Variants in TBC1D5 observed in about 807,000 individuals in gnomAD.
TBC1D5 encodes the protein TBC1 domain family, member 5.
TBC1D5 carries 75 observed loss-of-function variants against 100.3 expected under a neutral mutation model. The observed-to-expected ratio is 0.75, with a 90% CI of 0.62 to 0.91. The LOEUF is 0.91. Ranked by LOEUF, TBC1D5 falls within the 40% of genes least tolerant of loss-of-function variation. The pLI is 0.00. For synonymous variants in TBC1D5, 323 were observed against 325.6 expected (o/e 0.99, Z 0.09); for missense variants, 910 against 942.4 (o/e 0.97, Z 0.45).
intron 13 of TBC1D5, among the ~76,000 whole-genome samples, chr3:17,314,693 G>A (rs1317757026): frequency 6.6e-6 from 1 of 152,210 alleles, no homozygotes; most frequent in African/African-American, 2.4e-5. Context: ...TGATCTGCAT[G>A]TACAAGTTTG....
intron 2 of TBC1D5, among the ~76,000 whole-genome samples, chr3:17,585,432 C>T (rs2096726974): frequency 6.6e-6 from 1 of 152,120 alleles, no homozygotes; most frequent in Non-Finnish European, 1.5e-5. Flanking sequence ...AAAATTTATT[C>T]TCCTTTAAAA....
At chr3:17,350,948 T>C (rs1331733214) in intron 13 of TBC1D5, among the ~76,000 whole-genome samples, 1 of 152,126 alleles carries the variant, frequency 6.6e-6, no homozygotes, top group Non-Finnish European at 1.5e-5. Context: ...CCCCAAATAC[T>C]ATAGAAGATG....
intron 3 of TBC1D5, among the ~76,000 whole-genome samples, chr3:17,501,676 T>A (rs1026508096): frequency 2.0e-5 from 3 of 149,352 alleles, no homozygotes. Context: ...AATCCATCAA[T>A]GAATTCTTCA....
chr3:17,668,838 C>T (rs1292773970), intron 1 of TBC1D5, among the ~76,000 whole-genome samples: 1 of 152,184 alleles, frequency 6.6e-6, no homozygotes, highest in Middle Eastern at 3.4e-3. Flanking sequence ...CTGTGGCTTA[C>T]GAAGTTCCAC....
At chr3:17,613,293 C>T (rs2061842885) in intron 2 of TBC1D5, among the ~76,000 whole-genome samples, 1 of 152,190 alleles carries the variant, frequency 6.6e-6, no homozygotes, top group Non-Finnish European at 1.5e-5. Flanking sequence ...CATTGATGGA[C>T]ATTTGGGTTG....
chr3:17,299,378 G>C (rs915690869), intron 14 of TBC1D5, among the ~76,000 whole-genome samples: 2 of 152,162 alleles, frequency 1.3e-5, no homozygotes, highest in African/African-American at 4.8e-5. Context: ...AATCTTGGTT[G>C]GTATCAGATA....
chr3:17,340,524 A>C (rs1038159490), intron 13 of TBC1D5: 3 of 152,354 alleles, frequency 2.0e-5, no homozygotes, highest in Admixed American at 2.0e-4. Flanking sequence ...TGGCCTCTGT[A>C]CTATATCAAT....
chr3:17,404,665 G>A (rs1224225226), intron 7 of TBC1D5, 29 bp downstream of exon 7: 2 of 1,567,966 alleles, frequency 1.3e-6, no homozygotes, highest in Non-Finnish European at 1.7e-6. Flanking sequence ...AGCAAAAGAG[G>A]TTAAGACATG....
intron 3 of TBC1D5, among the ~76,000 whole-genome samples, chr3:17,461,644 G>A (rs2095213177): frequency 6.6e-6 from 1 of 150,946 alleles, no homozygotes; most frequent in African/African-American, 2.5e-5. Flanking sequence ...GTGTGTGTAT[G>A]TGTGTGTGCA....
Position 17,724,971 on chromosome 3 carries a change from T to C in TBC1D5, c.-101+14372A>G, listed in dbSNP as rs151175493. Among the ~76,000 whole-genome samples the C allele has an allele frequency of 3.9e-5, 6 of 152,318 alleles. No homozygotes were observed. The East Asian group carries it at 1.2e-3, about 29-fold the overall frequency. On this transcript the variant is annotated intron_variant, in intron 1 of 21. Coordinates refer to ENST00000253692, the Ensembl canonical transcript of TBC1D5. ...TAATTATTACTGCATTTTTCACTTGTAGAGGCTTCATTGCTTAGGTCTTTT... is the reference window on the plus strand; with the variant it reads ...TAATTATTACTGCATTTTTCACTTGCAGAGGCTTCATTGCTTAGGTCTTTT...
chr3:17,185,123 A>G, exon 19 of TBC1D5: 1 of 1,612,284 alleles, frequency 6.2e-7, no homozygotes, highest in Non-Finnish European at 8.5e-7. Flanking sequence ...ATGAGTGTCC[A>G]TCACCTTTGC....
At chr3:17,200,429 T>C (rs1392388338) in intron 18 of TBC1D5, among the ~76,000 whole-genome samples, 1 of 152,350 alleles carries the variant, frequency 6.6e-6, no homozygotes, top group Middle Eastern at 3.4e-3. Flanking sequence ...TAGATTCTCA[T>C]AGGAGTGTGA....
intron 2 of TBC1D5, among the ~76,000 whole-genome samples, chr3:17,538,668 C>A (rs115046980): frequency 1.4e-4 from 22 of 152,286 alleles, no homozygotes; most frequent in African/African-American, 4.3e-4. Flanking sequence ...TGTTGCAGAC[C>A]CATAAAGATT....
chr3:17,451,116 T>C (rs908488308), intron 3 of TBC1D5, among the ~76,000 whole-genome samples: 1 of 152,184 alleles, frequency 6.6e-6, no homozygotes, highest in African/African-American at 2.4e-5. Flanking sequence ...CAAAATTTCA[T>C]CTCAAGCCAA....
At chr3:17,445,833 G>A (rs140505349) in intron 3 of TBC1D5, among the ~76,000 whole-genome samples, 1 of 152,220 alleles carries the variant, frequency 6.6e-6, no homozygotes, top group Admixed American at 6.5e-5. Context: ...TCAAGTCTTG[G>A]ACCATATTCG....
chr3:17,258,620 A>G (rs745756009), intron 15 of TBC1D5, 29 bp from the exon 16 acceptor site: 1 of 1,578,510 alleles, frequency 6.3e-7, no homozygotes. Context: ...TTAAAAAGCT[A>G]GTTAAATGAT....
chr3:17,546,687 C>T (rs556071599), intron 2 of TBC1D5, among the ~76,000 whole-genome samples: 1 of 150,642 alleles, frequency 6.6e-6, no homozygotes, highest in African/African-American at 2.4e-5. Flanking sequence ...CTGAGTCTCC[C>T]GAGGGGAATC....
chr3:17,685,012 A>C (rs1316153146), intron 1 of TBC1D5, among the ~76,000 whole-genome samples: 3 of 152,054 alleles, frequency 2.0e-5, no homozygotes, highest in African/African-American at 7.2e-5. Flanking sequence ...CTGTTCTTTA[A>C]AGACACAAAG....
chr3:17,365,077 A>G (rs570105322), intron 13 of TBC1D5, among the ~76,000 whole-genome samples: 1 of 152,350 alleles, frequency 6.6e-6, no homozygotes, highest in South Asian at 2.1e-4. Flanking sequence ...AGAATTAAGT[A>G]GACTTAAGAT....
Sources: allele counts gnomAD v4.1 joint callset (sites outside exome capture counted in the v4.1 genomes callset), GRCh38; gene constraint gnomAD v4.1.1; transcripts MANE v1.5; gene names NCBI Gene and HGNC (gene_info 2026-07-23, HGNC 2026-07-21).